The following ACSL5 variants were observed in gnomAD, a reference collection of about 807,000 sequenced individuals.
ACSL5 encodes the protein acyl-CoA synthetase long chain family member 5.
In ACSL5, 50 loss-of-function variants were observed where a neutral mutation model predicts 84.9. That is an observed-to-expected ratio of 0.59 (90% CI 0.47 to 0.75). The LOEUF (loss-of-function observed/expected upper bound fraction) is 0.75, where lower values mean the gene tolerates loss of function less well. Among genes scored for constraint, ACSL5 ranks in the 30% least tolerant of loss-of-function variants. The pLI, the probability that ACSL5 is intolerant of heterozygous loss-of-function variation, is 0.00. For missense variants in ACSL5, 775 were observed against 830.4 expected (o/e 0.93, Z 0.82); for synonymous variants, 280 against 300.7 (o/e 0.93, Z 0.71).
intron 1 of ACSL5, among the ~76,000 whole-genome samples, chr10:112,374,910 G>T (rs1442241349): frequency 6.6e-6 from 1 of 152,110 alleles, no homozygotes; most frequent in Non-Finnish European, 1.5e-5. Flanking sequence ...AATTGTTGTG[G>T]GTTGCCAAAG....
rs141506176 is a variant in ACSL5 at position 112,385,595 on chromosome 10, T to C, written c.-29-9323T>C. ...GAACTATAAGCAAAGTTGAATGTCT[T>C]TCCCTAATTGTAAATAACTTGCTTG... On this transcript the variant is annotated intron_variant, in intron 1 of 20. Coordinates refer to ENST00000354655, the MANE Select transcript of ACSL5 (RefSeq NM_203379.2). 3.2e-3 allele frequency among the ~76,000 whole-genome samples: 482 copies of C among 152,346 alleles called. 2 individuals are homozygous for C. The highest frequency in any genetic ancestry group is 0.011 in the African/African-American group (457 of 41,580).
Position 112,422,054 on chromosome 10 carries a change from G to A in ACSL5, c.1476+19G>A. The A allele has an allele frequency of 6.2e-7, 1 of 1,611,680 alleles. No homozygotes were observed. The highest frequency in any genetic ancestry group is 8.5e-7 in the Non-Finnish European group (1 of 1,177,772). On this transcript the variant is annotated intron_variant, in intron 16 of 20. Transcript: ENST00000354655. ...AGGAGAGGTGGGTAGGTCATGCCCT[G>A]TGGTCAGACAGTCATGGTGGGGAGG...
intron 15 of ACSL5, 70 bp downstream of exon 15, chr10:112,421,735 G>T: frequency 1.3e-6 from 2 of 1,500,808 alleles, no homozygotes; most frequent in South Asian, 1.1e-5. Context: ...CTAGGACTTT[G>T]GAGTTTAGAT....
At chr10:112,397,816 G>A (rs2133598273) in intron 2 of ACSL5, among the ~76,000 whole-genome samples, 1 of 152,292 alleles carries the variant, frequency 6.6e-6, no homozygotes, top group South Asian at 2.1e-4. Flanking sequence ...CGTAGTGTGT[G>A]AGGTGCTTAA....
At chr10:112,417,983 T>C (rs1208538274) in intron 14 of ACSL5, 42 bp downstream of exon 14, 2 of 1,441,664 alleles carry the variant, frequency 1.4e-6, no homozygotes, top group African/African-American at 1.4e-5. Flanking sequence ...ATTTTACTTT[T>C]GCACAAACAG....
In ACSL5 at chr10:112,426,823, A is replaced by G. The variant is rs1446159721; in HGVS notation, c.1875A>G (p.Lys625=). 1 of 1,613,902 alleles carries G rather than the reference A, an allele frequency of 6.2e-7. No individual in the cohort carries two copies. The highest frequency in any genetic ancestry group is 8.5e-7 in the Non-Finnish European group (1 of 1,179,932). ...AAGCCATTTTAGAAGACTTGCAGAA[A>G]ATTGGGAAAGAAAGTGGCCTTAAAA... ...VREAILEDLQ[K]IGKESGLKTF... is the part of the protein sequence containing the mutation. Residue 625 remains lysine (K), a synonymous_variant, in exon 20 of 21, where the codon AAA becomes AAG. Coordinates refer to ENST00000354655, the MANE Select transcript of ACSL5 (RefSeq NM_203379.2).
At chr10:112,406,544 C>T (rs997681767) in intron 5 of ACSL5, 1 of 152,226 alleles carries the variant, frequency 6.6e-6, no homozygotes, top group African/African-American at 2.4e-5. Flanking sequence ...AGGCCCATCA[C>T]TAGCAGATTC....
At chr10:112,420,459 A>G (rs1281981947) in intron 14 of ACSL5, among the ~76,000 whole-genome samples, 1 of 152,314 alleles carries the variant, frequency 6.6e-6, no homozygotes, top group East Asian at 1.9e-4. Context: ...GGCAGAGTCA[A>G]GTTTTGAGTC....
chr10:112,421,659 A>G lies in ACSL5; in HGVS notation c.1381A>G (p.Thr461Ala), dbSNP rs764245528. Residue 461 changes from threonine (T) to alanine (A), a missense_variant, in exon 15 of 21, where the codon ACA becomes GCA. Transcript: ENST00000354655. ...TACATTTACATTACCTGGGGACTGG[A>G]CATCAGGTAAGTCCTCCATCTGCTG... ...GCTFTLPGDW[T>A]SGHVGVPLAC... is the part of the protein sequence containing the mutation. 1.4e-5 allele frequency: 23 copies of G among 1,613,170 alleles called. No homozygotes were observed. The African/African-American group carries it at 2.7e-4, about 19-fold the overall frequency.
At chr10:112,374,867 T>A (rs1849208282) in intron 1 of ACSL5, among the ~76,000 whole-genome samples, 1 of 152,158 alleles carries the variant, frequency 6.6e-6, no homozygotes, top group African/African-American at 2.4e-5. Context: ...GAGACTTGAT[T>A]GGTCAGTTTC....
chr10:112,410,156 G>C, intron 7 of ACSL5: 2 of 1,351,254 alleles, frequency 1.5e-6, no homozygotes, highest in Non-Finnish European at 1.9e-6. Flanking sequence ...CTCTGAAAAT[G>C]TTAGCTATTC....
intron 3 of ACSL5, among the ~76,000 whole-genome samples, chr10:112,400,269 T>C (rs578017179): frequency 1.2e-4 from 18 of 152,082 alleles, no homozygotes; most frequent in Non-Finnish European, 1.6e-4. Flanking sequence ...TAGAGTGCAG[T>C]GGTGTGATAG....
At chr10:112,379,944 C>T (rs1240614223) in intron 1 of ACSL5, among the ~76,000 whole-genome samples, 2 of 152,186 alleles carry the variant, frequency 1.3e-5, no homozygotes, top group Non-Finnish European at 2.9e-5. Flanking sequence ...CTTGCCTCAC[C>T]CTGGCACAGG....
intron 14 of ACSL5, among the ~76,000 whole-genome samples, chr10:112,420,897 T>G (rs2133659693): frequency 6.6e-6 from 1 of 152,114 alleles, no homozygotes; most frequent in South Asian, 2.1e-4. Flanking sequence ...AATTTTTGTA[T>G]TTTTAGTAGA....
intron 17 of ACSL5, among the ~76,000 whole-genome samples, chr10:112,424,036 T>C (rs1000017846): frequency 9.2e-5 from 14 of 152,080 alleles, no homozygotes; most frequent in East Asian, 1.9e-4. Context: ...TTGCCTCTTA[T>C]GAGTTTCTTG....
intron 19 of ACSL5, 32 bp from the exon 20 acceptor site, chr10:112,426,756 G>C (rs1366056728): frequency 6.3e-7 from 1 of 1,599,570 alleles, no homozygotes. Context: ...TTTTGAAACA[G>C]CCATGCTTTA....
At chr10:112,397,272 C>T (rs956038825) in intron 2 of ACSL5, among the ~76,000 whole-genome samples, 8 of 151,480 alleles carry the variant, frequency 5.3e-5, no homozygotes, top group African/African-American at 7.3e-5. Flanking sequence ...CAGGTTCAAG[C>T]GATTCTCCTG....
chr10:112,415,366 A>AT (rs1190748910), intron 12 of ACSL5, among the ~76,000 whole-genome samples: 2 of 151,988 alleles, frequency 1.3e-5, no homozygotes, highest in African/African-American at 4.8e-5. Flanking sequence ...CGACCGGCTA[A>AT]TTTTTTGTAT....
At chr10:112,399,890 T>C (rs1042555017) in intron 3 of ACSL5, among the ~76,000 whole-genome samples, 1 of 152,208 alleles carries the variant, frequency 6.6e-6, no homozygotes. Flanking sequence ...TCAAGACCAT[T>C]ACCAAGGTCA....
Sources: allele counts gnomAD v4.1 joint callset (sites outside exome capture counted in the v4.1 genomes callset), GRCh38; gene constraint gnomAD v4.1.1; transcripts MANE v1.5; gene names NCBI Gene and HGNC (gene_info 2026-07-23, HGNC 2026-07-21).